FAM120B: variants seen among roughly 807,000 people sequenced by gnomAD.
FAM120B encodes constitutive coactivator of peroxisome proliferator-activated receptor gamma.
In FAM120B, 83 loss-of-function variants were observed where a neutral mutation model predicts 96.3. The observed-to-expected ratio is 0.86, with a 90% confidence interval of 0.72 to 1.03. The LOEUF (loss-of-function observed/expected upper bound fraction) is 1.03. FAM120B is among the 50% of genes least tolerant of loss of function. FAM120B has a pLI of 0.00. For missense variants in FAM120B, 1,027 were observed against 1,121.2 expected, an observed-to-expected ratio of 0.92 and a Z score of 1.20; for synonymous variants, 407 against 402.7, an observed-to-expected ratio of 1.01 and a Z score of -0.13.
At chr6:170,373,972 C>T (rs61306645) in intron 6 of FAM120B, among the ~76,000 whole-genome samples, 7 of 152,152 alleles carry the variant, frequency 4.6e-5, no homozygotes, top group Admixed American at 4.6e-4. Context: ...GATCATTCCT[C>T]AGTTCTACCT....
At chr6:170,296,187 G>A (rs1784000326) in intron 1 of FAM120B, among the ~76,000 whole-genome samples, 1 of 152,078 alleles carries the variant, frequency 6.6e-6, no homozygotes, top group Non-Finnish European at 1.5e-5. Flanking sequence ...ACTTTGTGCC[G>A]ACTGAACGCG....
chr6:170,328,534 A>G (rs927507488), intron 3 of FAM120B, among the ~76,000 whole-genome samples: 3 of 152,112 alleles, frequency 2.0e-5, no homozygotes, highest in Non-Finnish European at 2.9e-5. Flanking sequence ...GTTGTTCCCC[A>G]TGTGTTACGT....
intron 5 of FAM120B, among the ~76,000 whole-genome samples, chr6:170,357,002 G>A (rs1418245638): frequency 6.6e-6 from 1 of 152,208 alleles, no homozygotes; most frequent in African/African-American, 2.4e-5. Flanking sequence ...CCTGGTGGAA[G>A]CAAATGCCGC....
chr6:170,401,302 A>C (rs1778570672), intron 9 of FAM120B, among the ~76,000 whole-genome samples: 1 of 152,088 alleles, frequency 6.6e-6, no homozygotes, highest in Non-Finnish European at 1.5e-5. Flanking sequence ...AGGCTGAGCT[A>C]AGCCTGAGGG....
chr6:170,372,055 T>C (rs1789230208), intron 6 of FAM120B, among the ~76,000 whole-genome samples: 1 of 152,226 alleles, frequency 6.6e-6, no homozygotes, highest in African/African-American at 2.4e-5. Context: ...TTAAAGAGTT[T>C]ATCCTACTGA....
chr6:170,327,833 G>A (rs954119195), intron 3 of FAM120B, among the ~76,000 whole-genome samples: 1 of 150,472 alleles, frequency 6.6e-6, no homozygotes, highest in East Asian at 2.0e-4. Context: ...AGGCTGCTCC[G>A]GTGAGTCCAT....
At chr6:170,310,245 G>A (rs1015117734) in intron 1 of FAM120B, among the ~76,000 whole-genome samples, 2 of 152,250 alleles carry the variant, frequency 1.3e-5, no homozygotes, top group Non-Finnish European at 2.9e-5. Flanking sequence ...CACAGTGTGG[G>A]TAGGAAAGGC....
chr6:170,320,725 G>A (rs1022834700), intron 2 of FAM120B, among the ~76,000 whole-genome samples: 3 of 152,220 alleles, frequency 2.0e-5, no homozygotes, highest in African/African-American at 7.2e-5. Flanking sequence ...ACATCTGGGA[G>A]TTATCCTATT....
rs1554286441 is a variant in FAM120B at position 170,361,222 on chromosome 6, A to ATATATACG, written c.2283+2910_2283+2911insCGTATATA. 2.7e-3 allele frequency among the ~76,000 whole-genome samples: 273 copies of ATATATACG among 101,986 alleles called. 8 individuals carry two copies. The highest frequency in any genetic ancestry group is 6.6e-3 in the East Asian group (20 of 3,012). The allele number at this position is 101,986 out of a possible 152,430, so 66.9% of individuals were successfully genotyped here. A position where few individuals can be genotyped will look rare whatever the true frequency, so the allele number is the denominator to read the frequency against. Reference sequence around the variant, plus strand: ...TGTATATATATATATATATATATATATATATATATATATACACGTATATAT... The same window carrying ATATATACG: ...TGTATATATATATATATATATATATATATATACGTATATATATATATACACGTATATAT... On this transcript the variant is annotated intron_variant, in intron 6 of 10. Transcript: ENST00000476287.
chr6:170,397,945 C>T (rs991383921), intron 9 of FAM120B, among the ~76,000 whole-genome samples: 3 of 151,896 alleles, frequency 2.0e-5, no homozygotes, highest in Admixed American at 6.6e-5. Flanking sequence ...CTCCTAGCCT[C>T]GTGGTAAGAA....
intron 6 of FAM120B, among the ~76,000 whole-genome samples, chr6:170,376,914 G>C (rs1366093717): frequency 2.7e-5 from 4 of 150,812 alleles, no homozygotes; most frequent in East Asian, 2.0e-4. Context: ...TTTGTGCTTT[G>C]CACACGCGTC....
chr6:170,330,844 T>C (rs1318115519), intron 4 of FAM120B: 1 of 358,810 alleles, frequency 2.8e-6, no homozygotes, highest in Non-Finnish European at 5.1e-6. Context: ...AGGATGGCCG[T>C]GGTCAGCGCA....
chr6:170,393,881 C>T (rs376257988), intron 8 of FAM120B, among the ~76,000 whole-genome samples: 63 of 151,952 alleles, frequency 4.1e-4, no homozygotes, highest in African/African-American at 1.4e-3. Flanking sequence ...TCTGCTTCCA[C>T]GGGCCGCACA....
rs1366914900 is a variant in FAM120B at position 170,405,392 on chromosome 6, A to G, written c.*641A>G. ...CACCCTTCTTGCTATCTGAAAACCA[A>G]GAAGACCACTAAGTGACTAATGGTC... On this transcript the variant is annotated 3_prime_UTR_variant, in exon 11 of 11. Coordinates refer to ENST00000476287, the MANE Select transcript of FAM120B (RefSeq NM_032448.3). 1 of 152,276 alleles carries G rather than the reference A, an allele frequency of 6.6e-6. No homozygotes were observed. Among genetic ancestry groups the G allele is most frequent in the Non-Finnish European group, 1.5e-5 (1 of 68,056 alleles). The allele number at this position is 152,276 out of a possible 1,614,324, so 9.4% of individuals were successfully genotyped here.
chr6:170,400,867 G>T (rs146388826), intron 9 of FAM120B, among the ~76,000 whole-genome samples: 3 of 152,154 alleles, frequency 2.0e-5, no homozygotes, highest in Non-Finnish European at 4.4e-5. Flanking sequence ...GCTTCTCCCA[G>T]GGCTCCCCCA....
chr6:170,291,067 C>T (rs982305266), upstream of FAM120B: 8 of 701,786 alleles, frequency 1.1e-5, no homozygotes, highest in Non-Finnish European at 1.8e-5. Flanking sequence ...AATGGATCGC[C>T]AAATGGTCAG....
At chr6:170,304,368 T>C (rs1784207987), upstream of FAM120B, among the ~76,000 whole-genome samples, 1 of 152,242 alleles carries the variant, frequency 6.6e-6, no homozygotes, top group Non-Finnish European at 1.5e-5. Flanking sequence ...CTTTTCTTTA[T>C]CCTTGGTGTT....
chr6:170,329,591 C>T (rs891464407), intron 3 of FAM120B, among the ~76,000 whole-genome samples: 4 of 151,804 alleles, frequency 2.6e-5, no homozygotes, highest in African/African-American at 4.8e-5. Context: ...CCTTTTTTAC[C>T]GACTTTTTTT....
At chr6:170,375,739 G>A (rs976207249) in intron 6 of FAM120B, among the ~76,000 whole-genome samples, 50 of 152,160 alleles carry the variant, frequency 3.3e-4, no homozygotes, top group African/African-American at 1.1e-3. Context: ...TAAGTACAGC[G>A]GGCGAGAACT....
Sources: allele counts gnomAD v4.1 joint callset (sites outside exome capture counted in the v4.1 genomes callset), GRCh38; gene constraint gnomAD v4.1.1; transcripts MANE v1.5; gene names NCBI Gene and HGNC (gene_info 2026-07-23, HGNC 2026-07-21).